Variants in PTK2B observed in about 807,000 individuals in gnomAD.
PTK2B encodes protein tyrosine kinase 2 beta, also known as protein-tyrosine kinase 2-beta.
PTK2B carries 71 observed loss-of-function variants against 142.9 expected under a neutral mutation model. The observed-to-expected ratio is 0.50, with a 90% CI of 0.41 to 0.61. The LOEUF is 0.61. Among genes scored for constraint, PTK2B ranks in the 20% least tolerant of loss-of-function variants. The probability of loss-of-function intolerance (pLI) is 0.00; values close to 1 mark genes in which losing one functional copy is unlikely to be tolerated. For synonymous variants in PTK2B, 519 were observed against 503.4 expected, an observed-to-expected ratio of 1.03 and a Z score of -0.42; for missense variants, 1,105 against 1,320.4, an observed-to-expected ratio of 0.84 and a Z score of 2.53.
intron 11 of PTK2B, among the ~76,000 whole-genome samples, 176 bp downstream of exon 11, chr8:27,433,728 C>A (rs1358104318): frequency 1.3e-5 from 2 of 152,216 alleles, no homozygotes; most frequent in African/African-American, 4.8e-5. Context: ...CTGGCCGGTC[C>A]ACCTACCCAC....
intron 21 of PTK2B, among the ~76,000 whole-genome samples, chr8:27,441,724 G>T (rs2132260145): frequency 6.6e-6 from 1 of 152,308 alleles, no homozygotes; most frequent in African/African-American, 2.4e-5. Context: ...TTGGTCCCTT[G>T]TATGGGAGGT....
At chr8:27,384,739 C>G (rs1235450234) in intron 1 of PTK2B, among the ~76,000 whole-genome samples, 1 of 152,116 alleles carries the variant, frequency 6.6e-6, no homozygotes, top group Non-Finnish European at 1.5e-5. Flanking sequence ...AGGCCCCAAC[C>G]CCCATGGTCT....
intron 5 of PTK2B, among the ~76,000 whole-genome samples, chr8:27,427,661 G>A (rs74903914): frequency 0.012 from 1,890 of 152,276 alleles, 14 homozygotes; most frequent in Middle Eastern, 0.02. Context: ...TCACCCAGAG[G>A]TGTCTTATTA....
chr8:27,407,673 G>A (rs1283591694), intron 2 of PTK2B, among the ~76,000 whole-genome samples: 2 of 152,102 alleles, frequency 1.3e-5, no homozygotes. Context: ...ACCCAGTCAG[G>A]GGAGTCAGAG....
chr8:27,313,267 C>A (rs904628355), exon 3 of PTK2B: 1 of 152,374 alleles, frequency 6.6e-6, no homozygotes. Context: ...TTTTCTGAGG[C>A]CTCGCCAGCC....
chr8:27,430,269 G>T, intron 6 of PTK2B, 95 bp from the exon 7 acceptor site: 10 of 1,589,658 alleles, frequency 6.3e-6, no homozygotes, highest in Non-Finnish European at 8.6e-6. Context: ...GCCGTCTCTA[G>T]GTCCCAAAGC....
intron 1 of PTK2B, among the ~76,000 whole-genome samples, chr8:27,356,328 G>C (rs1805390204): frequency 6.6e-6 from 1 of 152,206 alleles, no homozygotes; most frequent in Non-Finnish European, 1.5e-5. Context: ...AAGAGTAAAG[G>C]ACATCTATGG....
chr8:27,432,820 T>C (rs1041070407), intron 10 of PTK2B, among the ~76,000 whole-genome samples: 1 of 151,866 alleles, frequency 6.6e-6, no homozygotes, highest in African/African-American at 2.4e-5. Context: ...CTCCCCTTCC[T>C]CTTTCTTTCT....
Position 27,433,436 on chromosome 8 carries a change from C to G in PTK2B, c.989C>G (p.Ala330Gly). The G allele has an allele frequency of 6.2e-7, 1 of 1,613,428 alleles. No individual in the cohort carries two copies. Among genetic ancestry groups the G allele is most frequent in the South Asian group, 1.1e-5 (1 of 91,050 alleles). ...LQLGIEGAPQ[A>G]LSIKTSSLAE... ...CCTTGGCTGGTCTCTGCTCCGCAGGCCTTGTCCATCAAAACCTCATCCCTA... is the reference window on the plus strand; with the variant it reads ...CCTTGGCTGGTCTCTGCTCCGCAGGGCTTGTCCATCAAAACCTCATCCCTA... Residue 330 changes from alanine (A) to glycine (G), a missense_variant and splice_region_variant, in exon 11 of 31, where the codon GCC (alanine) becomes GGC (glycine). Ala to Gly is a moderately conservative substitution (Grantham distance 60). Transcript: ENST00000346049.
At chr8:27,434,825 C>T (rs1188097754) in intron 13 of PTK2B, among the ~76,000 whole-genome samples, 1 of 152,056 alleles carries the variant, frequency 6.6e-6, no homozygotes, top group Non-Finnish European at 1.5e-5. Flanking sequence ...CATGGTGACA[C>T]CCCATTTCTA....
chr8:27,337,569 C>T (rs1426188190), intron 1 of PTK2B, among the ~76,000 whole-genome samples: 1 of 152,214 alleles, frequency 6.6e-6, no homozygotes. Context: ...TTTTATGGAT[C>T]TGCCTTTTCT....
At chr8:27,442,361 T>G (rs1386530806) in intron 21 of PTK2B, among the ~76,000 whole-genome samples, 2 of 152,158 alleles carry the variant, frequency 1.3e-5, no homozygotes, top group Non-Finnish European at 2.9e-5. Context: ...TTAGGAGCAC[T>G]GGATTGGGTA....
intron 1 of PTK2B, among the ~76,000 whole-genome samples, chr8:27,328,781 C>A (rs1803564727): frequency 6.6e-6 from 1 of 152,196 alleles, no homozygotes; most frequent in African/African-American, 2.4e-5. Flanking sequence ...CAGCATTCCA[C>A]ATTGAGTGAA....
chr8:27,312,734 C>T (rs1217559788), intron 2 of PTK2B, among the ~76,000 whole-genome samples: 1 of 152,190 alleles, frequency 6.6e-6, no homozygotes, highest in Non-Finnish European at 1.5e-5. Flanking sequence ...AAACCAGAAC[C>T]CCTTTTTCCT....
Position 27,439,516 on chromosome 8 carries a change from A to G in PTK2B, c.1834+118A>G, listed in dbSNP as rs573936656. The G allele has an allele frequency of 1.4e-5, 16 of 1,150,156 alleles. No individual in the cohort carries two copies. In the East Asian group the frequency reaches 1.5e-4, roughly 10 times the overall value. 71.2% of individuals were successfully genotyped at this position (1,150,156 alleles called of 1,614,324 possible). On this transcript the variant is annotated intron_variant, in intron 20 of 30. Transcript: ENST00000346049. ...CTCCACCCTCCGTTCCCAGGGTTCT[A>G]TTTTGCTGTGGCCACTGAGAAGTCT...
chr8:27,416,068 ACT>A (rs975413837), intron 2 of PTK2B, among the ~76,000 whole-genome samples: 1 of 151,982 alleles, frequency 6.6e-6, no homozygotes, highest in Admixed American at 6.6e-5. Context: ...CATGACCCAA[ACT>A]CTATAAAAAT....
chr8:27,414,610 G>GTGTGTGTGTGTGTATGTGTGTGTGTT (rs1374260572), intron 2 of PTK2B, among the ~76,000 whole-genome samples: 5 of 151,770 alleles, frequency 3.3e-5, no homozygotes, highest in African/African-American at 9.7e-5. Context: ...CTCTCTCTGT[G>GTGTGTGTGTGTGTATGTGTGTGTGTT]TGTGTGTGTG....
intron 2 of PTK2B, among the ~76,000 whole-genome samples, chr8:27,402,018 A>G (rs1808415680): frequency 6.6e-6 from 1 of 152,220 alleles, no homozygotes; most frequent in South Asian, 2.1e-4. Flanking sequence ...AAAGAACCCA[A>G]TAAAGCACAA....
In PTK2B at chr8:27,336,138, A is replaced by G. The variant is rs182727526; in HGVS notation, c.-38+10457A>G. On this transcript the variant is annotated intron_variant, in intron 1 of 30. Coordinates refer to ENST00000346049, the MANE Select transcript of PTK2B (RefSeq NM_173176.3). Reference sequence around the variant, plus strand: ...AGCCTGGGGCATGGCAGGTTTATGTATGTGTGAGTGGCGGGAGGGGCTGTA... The same window carrying G: ...AGCCTGGGGCATGGCAGGTTTATGTGTGTGTGAGTGGCGGGAGGGGCTGTA... Among the ~76,000 whole-genome samples, 7 of 152,282 alleles carry G rather than the reference A, an allele frequency of 4.6e-5. No homozygotes were observed. The East Asian group carries it at 1.4e-3, about 29-fold the overall frequency.
Sources: allele counts gnomAD v4.1 joint callset (sites outside exome capture counted in the v4.1 genomes callset), GRCh38; gene constraint gnomAD v4.1.1; transcripts MANE v1.5; gene names NCBI Gene and HGNC (gene_info 2026-07-23, HGNC 2026-07-21).